Variants in PPP1R16B observed in about 807,000 individuals in gnomAD.
The protein encoded by PPP1R16B is protein phosphatase 1 regulatory subunit 16B, also known as protein phosphatase 1 regulatory inhibitor subunit 16B.
Under a neutral mutation model 61.7 loss-of-function variants are expected in PPP1R16B, and 14 were observed. The observed-to-expected ratio is 0.23, with a 90% CI of 0.15 to 0.35. PPP1R16B has a LOEUF of 0.35. Ranked by LOEUF, PPP1R16B falls within the 10% of genes least tolerant of loss-of-function variation. The probability of loss-of-function intolerance (pLI) is 1.00; values close to 1 mark genes in which losing one functional copy is unlikely to be tolerated. For synonymous variants in PPP1R16B, 266 were observed against 305.3 expected, an observed-to-expected ratio of 0.87 and a Z score of 1.34; for missense variants, 547 against 752.5, an observed-to-expected ratio of 0.73 and a Z score of 3.19.
At chr20:38,826,312 CTGTT>C (rs1451209815) in intron 1 of PPP1R16B, among the ~76,000 whole-genome samples, 1 of 152,190 alleles carries the variant, frequency 6.6e-6, no homozygotes, top group Admixed American at 6.5e-5. Flanking sequence ...AGAAGACAGG[CTGTT>C]TGGTTTAGCA....
intron 5 of PPP1R16B, 71 bp from the exon 6 acceptor site, chr20:38,902,597 A>G (rs2085403812): frequency 1.3e-5 from 20 of 1,598,150 alleles, no homozygotes; most frequent in Non-Finnish European, 1.5e-5. Flanking sequence ...TGCCTCCCTC[A>G]TCTGCCTTCC....
chr20:38,901,275 T>A (rs187841558), intron 5 of PPP1R16B, among the ~76,000 whole-genome samples: 281 of 152,328 alleles, frequency 1.8e-3, no homozygotes, highest in African/African-American at 6.4e-3. Flanking sequence ...GCCCTGCCCT[T>A]GTGTACCCCA....
chr20:38,810,113 A>G (rs1286213083), intron 1 of PPP1R16B, among the ~76,000 whole-genome samples: 1 of 152,182 alleles, frequency 6.6e-6, no homozygotes, highest in African/African-American at 2.4e-5. Context: ...ACAGGTGGGC[A>G]AAAGTTGCTG....
intron 1 of PPP1R16B, among the ~76,000 whole-genome samples, chr20:38,821,995 T>A (rs201266640): frequency 1.5e-5 from 2 of 130,152 alleles, no homozygotes; most frequent in Admixed American, 8.1e-5. Flanking sequence ...ATATATATAT[T>A]AATATATATA....
At chr20:38,816,830 C>T (rs1023506534) in intron 1 of PPP1R16B, among the ~76,000 whole-genome samples, 2 of 152,224 alleles carry the variant, frequency 1.3e-5, no homozygotes, top group Admixed American at 6.5e-5. Context: ...CACCCTCTTA[C>T]AGGAGGCAAA....
At chr20:38,873,316 C>A (rs1372463901) in intron 2 of PPP1R16B, among the ~76,000 whole-genome samples, 1 of 152,130 alleles carries the variant, frequency 6.6e-6, no homozygotes, top group Non-Finnish European at 1.5e-5. Context: ...TCTGGGAGGC[C>A]TGGGCTCTTC....
At chr20:38,840,363 C>G in intron 2 of PPP1R16B, among the ~76,000 whole-genome samples, 1 of 151,762 alleles carries the variant, frequency 6.6e-6, no homozygotes, top group East Asian at 1.9e-4. Context: ...GAAAGGCAGG[C>G]TAGGAACTCA....
chr20:38,898,110 T>C (rs1415806821), intron 4 of PPP1R16B, among the ~76,000 whole-genome samples: 1 of 152,238 alleles, frequency 6.6e-6, no homozygotes, highest in Non-Finnish European at 1.5e-5. Context: ...AAGAGTTTTA[T>C]AGTTTTAGGT....
At chr20:38,848,433 C>T (rs2084948427) in intron 2 of PPP1R16B, among the ~76,000 whole-genome samples, 1 of 152,232 alleles carries the variant, frequency 6.6e-6, no homozygotes, top group Admixed American at 6.5e-5. Flanking sequence ...AACTCTCCAA[C>T]CTGTCTATTC....
intron 2 of PPP1R16B, chr20:38,838,250 T>TA (rs1221749029): frequency 6.6e-6 from 1 of 152,448 alleles, no homozygotes; most frequent in African/African-American, 2.4e-5. Flanking sequence ...CCCTGTATAA[T>TA]AAGCCTTCCT....
At chr20:38,834,528 A>AT (rs1157711320) in intron 1 of PPP1R16B, among the ~76,000 whole-genome samples, 1 of 151,660 alleles carries the variant, frequency 6.6e-6, no homozygotes, top group Non-Finnish European at 1.5e-5. Context: ...CAAGGATGTA[A>AT]TTTTTTTTTA....
intron 2 of PPP1R16B, among the ~76,000 whole-genome samples, chr20:38,848,509 C>G (rs950103206): frequency 3.9e-5 from 6 of 152,134 alleles, no homozygotes; most frequent in African/African-American, 1.4e-4. Context: ...TATATTGTGG[C>G]TTAATATGTG....
intron 3 of PPP1R16B, among the ~76,000 whole-genome samples, chr20:38,894,259 G>T (rs921395957): frequency 6.6e-6 from 1 of 152,100 alleles, no homozygotes; most frequent in Admixed American, 6.5e-5. Flanking sequence ...GGGCTGTGGT[G>T]CCGCCCCATC....
chr20:38,823,549 G>C (rs2084785797), intron 1 of PPP1R16B, among the ~76,000 whole-genome samples: 1 of 152,104 alleles, frequency 6.6e-6, no homozygotes, highest in African/African-American at 2.4e-5. Context: ...GCTGAGGCAG[G>C]AGAATTGCTT....
At chr20:38,868,263 C>T (rs1220469086) in intron 2 of PPP1R16B, among the ~76,000 whole-genome samples, 1 of 152,194 alleles carries the variant, frequency 6.6e-6, no homozygotes, top group Non-Finnish European at 1.5e-5. Context: ...CTCAGGACCC[C>T]ATGGCCCACC....
At chr20:38,819,646 G>A (rs2084760449) in intron 1 of PPP1R16B, among the ~76,000 whole-genome samples, 1 of 152,102 alleles carries the variant, frequency 6.6e-6, no homozygotes, top group Admixed American at 6.5e-5. Context: ...AAATAGTAAG[G>A]AGAGTTGCCA....
intron 2 of PPP1R16B, among the ~76,000 whole-genome samples, chr20:38,867,915 C>T (rs111786455): frequency 0.012 from 1,769 of 152,280 alleles, 35 homozygotes; most frequent in African/African-American, 0.04. Context: ...TCAGGTGATC[C>T]GCCCATCTTG....
chr20:38,846,064 G>A (rs1195305296), intron 2 of PPP1R16B, among the ~76,000 whole-genome samples: 1 of 152,160 alleles, frequency 6.6e-6, no homozygotes, highest in African/African-American at 2.4e-5. Flanking sequence ...CTAGGTGGAT[G>A]ACAGTGCCAC....
rs549523296 is a variant in PPP1R16B at position 38,911,037 on chromosome 20, A to G, written c.1194+2844A>G. On this transcript the variant is annotated intron_variant, in intron 10 of 10. Coordinates refer to ENST00000299824, the MANE Select transcript of PPP1R16B (RefSeq NM_015568.4). ...ACAAAACAAAATTTTTTAGAGATGG[A>G]ATCTTGCTATGTTGCCCAGGCTGGT... Among the ~76,000 whole-genome samples the G allele has an allele frequency of 3.9e-5, 6 of 152,072 alleles. No homozygotes were observed. The South Asian group carries it at 1.2e-3, about 32-fold the overall frequency.
Sources: gnomAD v4.1 joint callset for allele counts (sites outside exome capture counted in the v4.1 genomes callset) on GRCh38, gnomAD v4.1.1 for gene constraint, MANE v1.5 for transcripts, NCBI Gene and HGNC (gene_info 2026-07-23, HGNC 2026-07-21) for gene names.